CPQ: variants seen among roughly 807,000 people sequenced by gnomAD.
CPQ encodes Ser-Met dipeptidase.
In CPQ, 37 loss-of-function variants were observed where a neutral mutation model predicts 45.7. The observed-to-expected ratio is 0.81, with a 90% CI of 0.62 to 1.07. CPQ has a LOEUF of 1.07. Among genes scored for constraint, CPQ ranks in the 50% least tolerant of loss-of-function variants. CPQ has a pLI of 0.00. For missense variants in CPQ, 537 were observed against 572.9 expected (o/e 0.94, Z 0.64); for synonymous variants, 186 against 205.8 (o/e 0.90, Z 0.82).
intron 4 of CPQ, among the ~76,000 whole-genome samples, chr8:96,956,924 G>A (rs1166005548): frequency 6.6e-6 from 1 of 152,214 alleles, no homozygotes; most frequent in Non-Finnish European, 1.5e-5. Context: ...TGCTTGGATA[G>A]CAAGCTGGAT....
chr8:97,038,898 C>T (rs1810055024), intron 6 of CPQ, among the ~76,000 whole-genome samples: 2 of 146,504 alleles, frequency 1.4e-5, no homozygotes, highest in Non-Finnish European at 3.0e-5. Context: ...TAAACTGTTA[C>T]AAGGCAGAAG....
At position 96,785,252 on chromosome 8, in the gene CPQ, T is replaced by A. The variant is rs1332089160; in HGVS notation, c.355T>A (p.Ser119Thr). ...RIPHWERGEE[S>T]AVMLEPRIHK... ...ACCCCACTGGGAGAGGGGAGAAGAA[T>A]CAGCTGTGATGCTGGAGCCAAGAAT... Residue 119 changes from serine to threonine, a missense_variant, in exon 2 of 8, where the codon TCA (serine) becomes ACA (threonine). Coordinates refer to ENST00000220763, the MANE Select transcript of CPQ (RefSeq NM_016134.4). 1 of 1,613,532 alleles carries A rather than the reference T, an allele frequency of 6.2e-7. No homozygotes were observed. Among genetic ancestry groups the A allele is most frequent in the Admixed American group, 1.7e-5 (1 of 59,914 alleles).
chr8:97,026,094 T>C (rs1208917828), intron 5 of CPQ, among the ~76,000 whole-genome samples: 5 of 152,134 alleles, frequency 3.3e-5, no homozygotes, highest in African/African-American at 9.7e-5. Context: ...TAAACAAAGG[T>C]GTTCTGGGGC....
chr8:96,827,445 T>C (rs186946107), intron 2 of CPQ, among the ~76,000 whole-genome samples: 3 of 152,246 alleles, frequency 2.0e-5, no homozygotes, highest in Admixed American at 6.5e-5. Context: ...ACTGGAGCTG[T>C]CTGATGTTAT....
intron 7 of CPQ, among the ~76,000 whole-genome samples, chr8:97,066,438 C>T (rs1391041249): frequency 5.9e-5 from 9 of 152,142 alleles, no homozygotes; most frequent in African/African-American, 2.2e-4. Context: ...ATAAGCTCCT[C>T]ACTCCCAGAG....
intron 7 of CPQ, chr8:97,092,462 A>G (rs1013432240): frequency 1.3e-5 from 2 of 152,216 alleles, no homozygotes; most frequent in African/African-American, 2.4e-5. Flanking sequence ...TGTTACGGGT[A>G]CAAAAACAGA....
intron 4 of CPQ, among the ~76,000 whole-genome samples, chr8:96,951,846 G>T (rs1350818359): frequency 7.2e-6 from 1 of 139,790 alleles, no homozygotes; most frequent in African/African-American, 2.6e-5. Flanking sequence ...CTTTCCTAGA[G>T]AGAATTGTTT....
At chr8:96,930,676 A>G (rs572341038) in intron 4 of CPQ, among the ~76,000 whole-genome samples, 3 of 152,322 alleles carry the variant, frequency 2.0e-5, no homozygotes, top group East Asian at 1.9e-4. Context: ...TCAGAGGACA[A>G]TGACAACTCC....
chr8:96,848,783 T>C (rs1586425163), intron 3 of CPQ, among the ~76,000 whole-genome samples: 1 of 152,228 alleles, frequency 6.6e-6, no homozygotes, highest in Non-Finnish European at 1.5e-5. Flanking sequence ...TGACAATGAA[T>C]GAACATCATT....
chr8:97,042,906 C>G (rs994438151), intron 6 of CPQ, among the ~76,000 whole-genome samples: 10 of 152,170 alleles, frequency 6.6e-5, no homozygotes, highest in African/African-American at 2.4e-4. Context: ...TTACTTCCAA[C>G]TATGTGGTCA....
chr8:96,776,499 T>C (rs1810606662), intron 1 of CPQ, among the ~76,000 whole-genome samples: 1 of 152,226 alleles, frequency 6.6e-6, no homozygotes, highest in African/African-American at 2.4e-5. Context: ...TTCCACTGTG[T>C]TCTTTTCCAC....
chr8:96,871,871 C>A (rs148754492), intron 3 of CPQ, among the ~76,000 whole-genome samples: 2 of 151,948 alleles, frequency 1.3e-5, no homozygotes, highest in South Asian at 4.1e-4. Context: ...TAGAGTTCAA[C>A]GTATATATAG....
chr8:96,677,425 G>A (rs2130725686), intron 1 of CPQ, among the ~76,000 whole-genome samples: 1 of 152,230 alleles, frequency 6.6e-6, no homozygotes, highest in African/African-American at 2.4e-5. Context: ...CTGATCATTA[G>A]TGATGTTGAG....
chr8:97,137,033 G>A (rs1434541280), intron 7 of CPQ, among the ~76,000 whole-genome samples: 2 of 152,168 alleles, frequency 1.3e-5, no homozygotes, highest in Non-Finnish European at 2.9e-5. Flanking sequence ...CAGCCAGCGG[G>A]CCCACCCTGG....
chr8:96,758,351 T>C (rs1810353130), intron 1 of CPQ, among the ~76,000 whole-genome samples: 1 of 152,200 alleles, frequency 6.6e-6, no homozygotes, highest in South Asian at 2.1e-4. Flanking sequence ...CAACATCTTT[T>C]CTTATATTTT....
chr8:96,785,216 C>T lies in CPQ; in HGVS notation c.319C>T (p.Pro107Ser). The T allele has an allele frequency of 6.2e-7, 1 of 1,613,484 alleles. No individual in the cohort carries two copies. Among genetic ancestry groups the T allele is most frequent in the East Asian group, 2.2e-5 (1 of 44,748 alleles). ...TGGGCTGGAGAAAGTTCACCTGGAGCCAGTGAGAATACCCCACTGGGAGAG... is the reference window on the plus strand; with the variant it reads ...TGGGCTGGAGAAAGTTCACCTGGAGTCAGTGAGAATACCCCACTGGGAGAG... ...QDGLEKVHLE[P>S]VRIPHWERGE... The change falls in exon 2 of 8, where the codon CCA becomes TCA. Residue 107 changes from proline (P) to serine (S), a missense_variant. Pro to Ser is a moderately conservative substitution (Grantham distance 74, BLOSUM62 -1). Coordinates refer to ENST00000220763, the MANE Select transcript of CPQ (RefSeq NM_016134.4).
chr8:96,800,818 T>C (rs535362086), intron 2 of CPQ, among the ~76,000 whole-genome samples: 1 of 152,060 alleles, frequency 6.6e-6, no homozygotes, highest in East Asian at 1.9e-4. Context: ...CTTAGAAGAG[T>C]TTTCTACTTA....
At chr8:96,878,314 C>T (rs1563519068) in intron 3 of CPQ, among the ~76,000 whole-genome samples, 1 of 152,108 alleles carries the variant, frequency 6.6e-6, no homozygotes, top group Non-Finnish European at 1.5e-5. Flanking sequence ...TCAGATGGTA[C>T]TAATCACTTG....
chr8:96,746,391 G>C (rs1810182774), intron 1 of CPQ, among the ~76,000 whole-genome samples: 1 of 152,166 alleles, frequency 6.6e-6, no homozygotes, highest in South Asian at 2.1e-4. Flanking sequence ...ACTGGGAAGT[G>C]GGGAATTCAT....
Sources: gnomAD v4.1 joint callset for allele counts (sites outside exome capture counted in the v4.1 genomes callset) on GRCh38, gnomAD v4.1.1 for gene constraint, MANE v1.5 for transcripts, NCBI Gene and HGNC (gene_info 2026-07-23, HGNC 2026-07-21) for gene names.